DLGAP1: variants seen among roughly 807,000 people sequenced by gnomAD.
The protein encoded by DLGAP1 is disks large-associated protein 1.
DLGAP1 carries 11 observed loss-of-function variants against 90.8 expected under a neutral mutation model. The ratio of observed to expected loss-of-function variants is 0.12; its 90% CI spans 0.08 to 0.20. The LOEUF (loss-of-function observed/expected upper bound fraction) is 0.20, where lower values mean the gene tolerates loss of function less well. Among genes scored for constraint, DLGAP1 ranks in the 10% least tolerant of loss-of-function variants. DLGAP1 has a pLI of 1.00. For synonymous variants in DLGAP1, 558 were observed against 540.7 expected (o/e 1.03, Z -0.44); for missense variants, 1,050 against 1,333.8 (o/e 0.79, Z 3.31).
chr18:4,293,030 GCA>G (rs1001637390), intron 1 of DLGAP1: 16 of 152,180 alleles, frequency 1.1e-4, no homozygotes, highest in African/African-American at 2.9e-4. Flanking sequence ...ATTACAATAC[GCA>G]CAGTGTTCCA....
At chr18:4,347,747 A>C (rs977325304) in intron 1 of DLGAP1, among the ~76,000 whole-genome samples, 1 of 152,068 alleles carries the variant, frequency 6.6e-6, no homozygotes, top group Non-Finnish European at 1.5e-5. Flanking sequence ...CATCAGGAAC[A>C]AGGGGAAGAT....
intron 2 of DLGAP1, among the ~76,000 whole-genome samples, chr18:4,148,688 C>T (rs538990818): frequency 6.6e-6 from 1 of 152,232 alleles, no homozygotes; most frequent in East Asian, 1.9e-4. Context: ...CCCTGCACTA[C>T]CATTCTCTGC....
intron 1 of DLGAP1, among the ~76,000 whole-genome samples, chr18:4,433,466 T>C (rs1191797867): frequency 6.6e-6 from 1 of 152,214 alleles, no homozygotes; most frequent in Non-Finnish European, 1.5e-5. Context: ...TTTTTGTTTT[T>C]TGAAGAAGTT....
At chr18:3,856,227 A>G (rs1427479997) in intron 4 of DLGAP1, among the ~76,000 whole-genome samples, 1 of 152,234 alleles carries the variant, frequency 6.6e-6, no homozygotes, top group African/African-American at 2.4e-5. Flanking sequence ...TACAAAGAAA[A>G]GAAAAAGAAA....
intron 2 of DLGAP1, among the ~76,000 whole-genome samples, chr18:4,095,917 A>C (rs535754740): frequency 6.6e-6 from 1 of 152,184 alleles, no homozygotes; most frequent in South Asian, 2.1e-4. Flanking sequence ...ATTTAATTTA[A>C]ACCTGAATCG....
At chr18:4,118,787 T>G (rs2076105014) in intron 2 of DLGAP1, among the ~76,000 whole-genome samples, 1 of 152,162 alleles carries the variant, frequency 6.6e-6, no homozygotes, top group African/African-American at 2.4e-5. Context: ...GACCCCTGTC[T>G]TAATGAGATT....
chr18:4,437,767 A>C (rs940057534), intron 1 of DLGAP1, among the ~76,000 whole-genome samples: 4 of 151,704 alleles, frequency 2.6e-5, no homozygotes, highest in African/African-American at 9.7e-5. Flanking sequence ...TGGCATTTCT[A>C]CTTGCTTCTT....
intron 6 of DLGAP1, among the ~76,000 whole-genome samples, chr18:3,741,109 T>TCACCAC (rs1338999345): frequency 1.9e-5 from 1 of 53,838 alleles, no homozygotes; most frequent in African/African-American, 8.2e-5. Context: ...ACCATCACCA[T>TCACCAC]CACCACCACC....
At chr18:4,256,153 A>C (rs1403248060) in intron 1 of DLGAP1, among the ~76,000 whole-genome samples, 1 of 152,182 alleles carries the variant, frequency 6.6e-6, no homozygotes, top group African/African-American at 2.4e-5. Context: ...ATCAAAAGCA[A>C]TACTATATAA....
At chr18:3,787,877 C>T (rs1352634789) in intron 5 of DLGAP1, among the ~76,000 whole-genome samples, 1 of 152,158 alleles carries the variant, frequency 6.6e-6, no homozygotes, top group Non-Finnish European at 1.5e-5. Context: ...CTCTGAAGTG[C>T]CCTCACCTGC....
chr18:4,078,389 C>A (rs1279082632), intron 2 of DLGAP1, among the ~76,000 whole-genome samples: 1 of 152,044 alleles, frequency 6.6e-6, no homozygotes, highest in African/African-American at 2.4e-5. Flanking sequence ...GAATAGATGG[C>A]CAAGTGTAAG....
intron 7 of DLGAP1, among the ~76,000 whole-genome samples, chr18:3,708,653 C>T (rs921070209): frequency 1.3e-5 from 2 of 152,086 alleles, no homozygotes; most frequent in African/African-American, 2.4e-5. Context: ...CACTCTACAA[C>T]AAGAATTTAA....
At chr18:3,576,323 G>A (rs1348088017) in intron 8 of DLGAP1, among the ~76,000 whole-genome samples, 7 of 150,508 alleles carry the variant, frequency 4.7e-5, no homozygotes, top group Non-Finnish European at 8.9e-5. Context: ...GCAGTGGCGC[G>A]ATCTCGGCTC....
chr18:4,135,790 CTT>C (rs58513784), intron 2 of DLGAP1, among the ~76,000 whole-genome samples: 44 of 127,284 alleles, frequency 3.5e-4, no homozygotes, highest in African/African-American at 7.5e-4. Flanking sequence ...GAATCTGATT[CTT>C]TTTTTTTTTT....
intron 3 of DLGAP1, among the ~76,000 whole-genome samples, chr18:3,957,106 G>C (rs900832067): frequency 7.2e-5 from 11 of 152,168 alleles, no homozygotes; most frequent in African/African-American, 2.7e-4. Context: ...AGTTAATCTC[G>C]AGATGTGGAG....
chr18:4,140,247 T>C (rs2076474083), intron 2 of DLGAP1, among the ~76,000 whole-genome samples: 1 of 151,996 alleles, frequency 6.6e-6, no homozygotes, highest in African/African-American at 2.4e-5. Flanking sequence ...TTTTATTTTT[T>C]AATTTCTTGC....
chr18:4,015,220 C>T (rs1361066879), intron 2 of DLGAP1, among the ~76,000 whole-genome samples: 1 of 152,166 alleles, frequency 6.6e-6, no homozygotes, highest in African/African-American at 2.4e-5. Flanking sequence ...TGTGCTCTCT[C>T]TTGAAGTGCA....
chr18:4,295,670 C>T (rs2079963823), intron 1 of DLGAP1, among the ~76,000 whole-genome samples: 1 of 152,186 alleles, frequency 6.6e-6, no homozygotes, highest in African/African-American at 2.4e-5. Context: ...CAACCTGAGA[C>T]AAATCACATA....
chr18:4,246,888 G>C (rs1217980603), intron 1 of DLGAP1, among the ~76,000 whole-genome samples: 7 of 149,144 alleles, frequency 4.7e-5, no homozygotes, highest in Non-Finnish European at 9.0e-5. Context: ...GAAAAAGCGA[G>C]AGAGAATGGG....
Sources: allele counts gnomAD v4.1 joint callset (sites outside exome capture counted in the v4.1 genomes callset), GRCh38; gene constraint gnomAD v4.1.1; transcripts MANE v1.5; gene names NCBI Gene and HGNC (gene_info 2026-07-23, HGNC 2026-07-21).